Variants in UBAP2L observed in about 807,000 individuals in gnomAD.
UBAP2L encodes the protein ubiquitin associated protein 2 like.
Under a neutral mutation model 130.6 loss-of-function variants are expected in UBAP2L, and 12 were observed. The observed-to-expected ratio is 0.09, with a 90% confidence interval of 0.06 to 0.15. The LOEUF is 0.15. UBAP2L is among the 10% of genes least tolerant of loss of function. The probability of loss-of-function intolerance (pLI) is 1.00; values close to 1 mark genes in which losing one functional copy is unlikely to be tolerated. For synonymous variants in UBAP2L, 503 were observed against 524.7 expected (o/e 0.96, Z 0.57); for missense variants, 965 against 1,332.5 (o/e 0.72, Z 4.29).
At chr1:154,259,418 T>C (rs940259691) in intron 21 of UBAP2L, among the ~76,000 whole-genome samples, 2 of 151,730 alleles carry the variant, frequency 1.3e-5, no homozygotes, top group Non-Finnish European at 3.0e-5. Context: ...GGTCTTGAAC[T>C]CCTGACCTTA....
intron 1 of UBAP2L, among the ~76,000 whole-genome samples, chr1:154,221,620 C>G (rs1030493864): frequency 6.6e-6 from 1 of 152,194 alleles, no homozygotes; most frequent in Non-Finnish European, 1.5e-5. Context: ...AGATTGGCCC[C>G]GTGGGCTCTC....
chr1:154,266,451 G>C (rs1189966615), intron 24 of UBAP2L, 50 bp from the exon 25 acceptor site: 1 of 1,583,446 alleles, frequency 6.3e-7, no homozygotes, highest in Admixed American at 1.7e-5. Flanking sequence ...AGGAATAAGG[G>C]CCAGGTAGCT....
At chr1:154,235,125 A>C in intron 5 of UBAP2L, 71 bp from the exon 6 acceptor site, 1 of 698,408 alleles carries the variant, frequency 1.4e-6, no homozygotes, top group Non-Finnish European at 2.6e-6. Flanking sequence ...TATCCTGTTG[A>C]CTGTGCTCTG....
intron 20 of UBAP2L, 167 bp from the exon 21 acceptor site, chr1:154,258,810 G>C (rs75861157): frequency 5.3e-6 from 3 of 568,634 alleles, no homozygotes. Context: ...TTTAATCTCT[G>C]TGTACTTTAC....
intron 20 of UBAP2L, chr1:154,258,769 C>T (rs893406297): frequency 8.3e-6 from 4 of 482,648 alleles, no homozygotes; most frequent in African/African-American, 4.0e-5. Context: ...GTATTTAGCT[C>T]AAGGAAAGCT....
At chr1:154,250,263 GC>G (rs1677083202) in intron 12 of UBAP2L, among the ~76,000 whole-genome samples, 1 of 152,040 alleles carries the variant, frequency 6.6e-6, no homozygotes, top group Non-Finnish European at 1.5e-5. Flanking sequence ...TCACCGTGTT[GC>G]CCAGGTGTGT....
intron 1 of UBAP2L, among the ~76,000 whole-genome samples, chr1:154,224,599 C>A (rs1174300810): frequency 6.6e-6 from 1 of 152,200 alleles, no homozygotes; most frequent in Non-Finnish European, 1.5e-5. Flanking sequence ...AGGTCACATG[C>A]AGCTTACATA....
chr1:154,239,567 C>T (rs1461133141), intron 8 of UBAP2L, among the ~76,000 whole-genome samples: 2 of 152,190 alleles, frequency 1.3e-5, no homozygotes, highest in Admixed American at 1.3e-4. Flanking sequence ...TCCATCTATT[C>T]TGTTCCTTAA....
chr1:154,232,900 G>T (rs1363637486), intron 4 of UBAP2L, among the ~76,000 whole-genome samples: 2 of 152,074 alleles, frequency 1.3e-5, no homozygotes, highest in African/African-American at 2.4e-5. Context: ...GTCTCATTTG[G>T]TTGCCTGGGC....
chr1:154,257,619 G>T (rs1187434771), intron 20 of UBAP2L, 185 bp downstream of exon 20: 2 of 634,648 alleles, frequency 3.2e-6, no homozygotes, highest in Non-Finnish European at 2.7e-6. Context: ...TTTTTGATCT[G>T]TGTGTCTGGT....
chr1:154,255,257 A>T lies in UBAP2L; in HGVS notation c.2015A>T (p.His672Leu). 6.2e-7 allele frequency: 1 copy of T among 1,614,212 alleles called. No homozygotes were observed. Among genetic ancestry groups the T allele is most frequent in the South Asian group, 1.1e-5 (1 of 91,082 alleles). The change falls in exon 17 of 27, where the codon CAT becomes CTT. Residue 672 changes from histidine to leucine, a missense_variant. His to Leu is a moderately conservative substitution (Grantham distance 99). This residue lies in a region of UBAP2L where 393 missense variants were observed against 408.1 expected (regional missense o/e 0.96). Coordinates refer to ENST00000428931, the MANE Select transcript of UBAP2L (RefSeq NM_014847.4). ...TCCTTACTGACGACAACCAATCAGC[A>T]TTCATCCTCCTTGGGTGGCTTGAGC... ...AASLLTTTNQ[H>L]SSSLGGLSHS...
chr1:154,255,358 G>A, intron 17 of UBAP2L, 32 bp downstream of exon 17: 1 of 1,609,062 alleles, frequency 6.2e-7, no homozygotes, highest in Non-Finnish European at 8.5e-7. Flanking sequence ...GGTTGGGGTT[G>A]GTGAATAGCA....
chr1:154,253,714 G>A (rs1678676096), intron 14 of UBAP2L, among the ~76,000 whole-genome samples, 186 bp from the exon 15 acceptor site: 2 of 152,196 alleles, frequency 1.3e-5, no homozygotes, highest in South Asian at 4.2e-4. Context: ...GATCTCTGGC[G>A]CTATAGAAGG....
chr1:154,257,094 A>G lies in UBAP2L; in HGVS notation c.2189A>G (p.His730Arg), dbSNP rs757564509. 1.2e-6 allele frequency: 2 copies of G among 1,613,864 alleles called. No homozygotes were observed. Among genetic ancestry groups the G allele is most frequent in the East Asian group, 2.2e-5 (1 of 44,874 alleles). ...HTSVESEANL[H>R]SSSSTFSTTS... is the part of the protein sequence containing the mutation. ...AGTGTGGAGAGTGAGGCGAATCTCC[A>G]TTCTTCCTCCAGCACTTTTTCCACC... Residue 730 changes from histidine to arginine, a missense_variant, in exon 19 of 27, where the codon CAT becomes CGT. Transcript: ENST00000428931.
In UBAP2L at chr1:154,267,880, CTTTTTT is replaced by C. The variant is rs869153080; in HGVS notation, c.2971-856_2971-851del. ...TCCACATTCCATCCTCTTATTTGGT[CTTTTTT>C]TTTTTTTTTTTTTTTTTTTTGAGAC... On this transcript the variant is annotated intron_variant, in intron 25 of 26. Transcript: ENST00000428931. 3.1e-3 allele frequency among the ~76,000 whole-genome samples: 164 copies of C among 52,076 alleles called. 2 individuals are homozygous for C. Among genetic ancestry groups the C allele is most frequent in the Admixed American group, 0.024 (121 of 5,048 alleles). 34.2% of individuals were successfully genotyped at this position (52,076 alleles called of 152,430 possible). A position where few individuals can be genotyped will look rare whatever the true frequency, so the allele number is the denominator to read the frequency against.
At chr1:154,254,508 A>G in intron 15 of UBAP2L, 1 of 469,058 alleles carries the variant, frequency 2.1e-6, no homozygotes, top group Non-Finnish European at 3.7e-6. Flanking sequence ...GAACTGTTGT[A>G]CTTACCCTTC....
chr1:154,245,374 G>C (rs1036129001), intron 10 of UBAP2L, among the ~76,000 whole-genome samples: 1 of 152,142 alleles, frequency 6.6e-6, no homozygotes, highest in African/African-American at 2.4e-5. Flanking sequence ...TGTTTTAGGA[G>C]CTCCATGCCA....
chr1:154,261,269 GC>G (rs1681447022), intron 23 of UBAP2L, among the ~76,000 whole-genome samples, 160 bp downstream of exon 23: 1 of 152,184 alleles, frequency 6.6e-6, no homozygotes, highest in South Asian at 2.1e-4. Context: ...GGGGAATGGG[GC>G]TGGAATTGGT....
intron 24 of UBAP2L, among the ~76,000 whole-genome samples, chr1:154,264,167 A>G (rs1027684419): frequency 2.0e-5 from 3 of 152,334 alleles, no homozygotes; most frequent in Non-Finnish European, 4.4e-5. Flanking sequence ...TTGTTTATAA[A>G]GTTAACGTGG....
Sources: gnomAD v4.1 joint callset for allele counts (sites outside exome capture counted in the v4.1 genomes callset) on GRCh38, gnomAD v4.1.1 for gene constraint, gnomAD v4.1.1 regional missense constraint, MANE v1.5 for transcripts, NCBI Gene and HGNC (gene_info 2026-07-23, HGNC 2026-07-21) for gene names.